SDK1: variants seen among roughly 807,000 people sequenced by gnomAD.
The protein encoded by SDK1 is sidekick cell adhesion molecule 1, also known as protein sidekick-1.
A neutral mutation model predicts 245.5 loss-of-function variants in SDK1; 157 were observed. The observed-to-expected ratio is 0.64, with a 90% confidence interval of 0.56 to 0.73. SDK1 has a LOEUF of 0.73. SDK1 is among the 30% of genes least tolerant of loss of function. The probability of loss-of-function intolerance (pLI) is 0.00; values close to 1 mark genes in which losing one functional copy is unlikely to be tolerated. For synonymous variants in SDK1, 1,647 were observed against 1,278.5 expected (o/e 1.29, Z -6.15); for missense variants, 3,583 against 3,002.3 (o/e 1.19, Z -4.52).
intron 35 of SDK1, among the ~76,000 whole-genome samples, chr7:4,205,176 A>G (rs1251212272): frequency 6.6e-6 from 1 of 152,188 alleles, no homozygotes; most frequent in East Asian, 1.9e-4. Context: ...CTCAGAGAGC[A>G]AAGTGCAGCC....
intron 44 of SDK1, among the ~76,000 whole-genome samples, chr7:4,257,359 C>G (rs1384605857): frequency 6.6e-6 from 1 of 152,184 alleles, no homozygotes; most frequent in East Asian, 1.9e-4. Context: ...AACCGACACA[C>G]GTTGCTACTT....
In SDK1 at chr7:3,733,186, A is replaced by G. The variant is rs893082468; in HGVS notation, c.714-88264A>G. ...CCCTGTGCAATGTCTTAAGTCTTTAAAGAATATTTTAATTTATTACCTTAT... is the reference window on the plus strand; with the variant it reads ...CCCTGTGCAATGTCTTAAGTCTTTAGAGAATATTTTAATTTATTACCTTAT... On this transcript the variant is annotated intron_variant, in intron 4 of 44. Transcript: ENST00000404826. Among the ~76,000 whole-genome samples the G allele has an allele frequency of 5.3e-5, 8 of 152,300 alleles. 1 individual carries two copies. The highest frequency in any genetic ancestry group is 4.6e-4 in the Admixed American group (7 of 15,296).
At chr7:3,333,954 C>T (rs1224677442) in intron 1 of SDK1, among the ~76,000 whole-genome samples, 1 of 152,182 alleles carries the variant, frequency 6.6e-6, no homozygotes, top group African/African-American at 2.4e-5. Context: ...TGCTCCACTG[C>T]TGGCCCCAGA....
At chr7:3,945,495 C>A (rs1780538505) in intron 5 of SDK1, among the ~76,000 whole-genome samples, 1 of 151,892 alleles carries the variant, frequency 6.6e-6, no homozygotes, top group Admixed American at 6.6e-5. Context: ...GTATTTCACC[C>A]ATGAAACAAG....
chr7:4,260,456 C>T (rs1787915378), intron 44 of SDK1, among the ~76,000 whole-genome samples: 1 of 133,778 alleles, frequency 7.5e-6, no homozygotes, highest in Admixed American at 7.5e-5. Flanking sequence ...CTGGCTGCTC[C>T]GGGGTCTCTG....
At chr7:3,613,274 C>T (rs1781663307) in intron 1 of SDK1, among the ~76,000 whole-genome samples, 1 of 152,122 alleles carries the variant, frequency 6.6e-6, no homozygotes, top group Non-Finnish European at 1.5e-5. Flanking sequence ...ATGATTTTTC[C>T]TCTGCAGATA....
In SDK1 at chr7:3,699,889, C is replaced by G. The variant is rs79081499; in HGVS notation, c.713+57784C>G. Among the ~76,000 whole-genome samples the G allele has an allele frequency of 1.9e-4, 29 of 152,188 alleles. No homozygotes were observed. In the East Asian group the frequency reaches 5.6e-3, roughly 29 times the overall value. ...ATCCCAAGATCAAAGAAATGCACAT[C>G]AAGAAACATAGTAGTTAAACTTCTA... On this transcript the variant is annotated intron_variant, in intron 4 of 44. Coordinates refer to ENST00000404826, the MANE Select transcript of SDK1 (RefSeq NM_152744.4).
Position 4,220,120 on chromosome 7 carries a change from G to C in SDK1, c.5551G>C (p.Val1851Leu). The change falls in exon 39 of 45, where the codon GTG becomes CTG. Residue 1851 changes from valine to leucine, a missense_variant. Coordinates refer to ENST00000404826, the MANE Select transcript of SDK1 (RefSeq NM_152744.4). ...PLAPVQGVSK[V>L]VTVEVRGNWQ... Reference sequence around the variant, plus strand: ...TCTGGCGGCTGCAGGGGTGAGCAAGGTGGTGACCGTGGAAGTGAGAGGGAA... The same window carrying C: ...TCTGGCGGCTGCAGGGGTGAGCAAGCTGGTGACCGTGGAAGTGAGAGGGAA... 33 of 1,613,972 alleles carry C rather than the reference G, an allele frequency of 2.0e-5. No homozygotes were observed. Among genetic ancestry groups the C allele is most frequent in the Non-Finnish European group, 2.8e-5 (33 of 1,179,926 alleles).
At chr7:3,405,645 C>T (rs971840244) in intron 1 of SDK1, among the ~76,000 whole-genome samples, 2 of 152,018 alleles carry the variant, frequency 1.3e-5, no homozygotes, top group Non-Finnish European at 2.9e-5. Context: ...GTAGTGTTAT[C>T]AGATATGGTT....
chr7:3,742,970 C>T (rs1779518023), intron 4 of SDK1, among the ~76,000 whole-genome samples: 1 of 152,106 alleles, frequency 6.6e-6, no homozygotes, highest in South Asian at 2.1e-4. Flanking sequence ...ATGAATGACC[C>T]TCATTAACAT....
At chr7:4,164,540 C>T (rs941800026) in intron 32 of SDK1, among the ~76,000 whole-genome samples, 3 of 152,236 alleles carry the variant, frequency 2.0e-5, no homozygotes, top group African/African-American at 7.2e-5. Flanking sequence ...AGAACATTGG[C>T]ACTTTGTACC....
intron 14 of SDK1, among the ~76,000 whole-genome samples, chr7:3,989,777 C>A (rs566107493): frequency 2.0e-5 from 3 of 152,206 alleles, no homozygotes; most frequent in African/African-American, 7.2e-5. Flanking sequence ...CACTTTATTT[C>A]TCCTAATTAC....
At chr7:3,894,754 A>G (rs1781556613) in intron 5 of SDK1, among the ~76,000 whole-genome samples, 1 of 143,038 alleles carries the variant, frequency 7.0e-6, no homozygotes, top group Non-Finnish European at 1.5e-5. Context: ...GTTGGAGTGC[A>G]GTGATGCAAT....
At position 4,025,611 on chromosome 7, in the gene SDK1, G is replaced by A. The variant is rs530893606; in HGVS notation, c.2602+8259G>A. Among the ~76,000 whole-genome samples the A allele has an allele frequency of 5.3e-5, 8 of 152,308 alleles. No homozygotes were observed. In the East Asian group the frequency reaches 1.5e-3, roughly 29 times the overall value. ...CTGCTAGCCTAGGAACCCTGTGAGG[G>A]CAGGGGCTGTGTCTGATTTGTCTTT... is the stretch of plus-strand genomic sequence containing the variant. On this transcript the variant is annotated intron_variant, in intron 17 of 44. Coordinates refer to ENST00000404826, the MANE Select transcript of SDK1 (RefSeq NM_152744.4).
Position 4,161,792 on chromosome 7 carries a change from G to T in SDK1, c.4736G>T (p.Gly1579Val), listed in dbSNP as rs1404109430. ...EAVTTLQDVP[G>V]EPPGSVSATP... ...CCTCTCCTGTGTGTTTCAGTTCCAGGAGAGCCCCCGGGATCTGTCTCAGCG... is the reference window on the plus strand; with the variant it reads ...CCTCTCCTGTGTGTTTCAGTTCCAGTAGAGCCCCCGGGATCTGTCTCAGCG... Residue 1579 changes from glycine (G) to valine (V), a missense_variant, in exon 32 of 45, where the codon GGA (glycine) becomes GTA (valine). By Grantham distance (109) the Gly-to-Val change is moderately radical. Coordinates refer to ENST00000404826, the MANE Select transcript of SDK1 (RefSeq NM_152744.4). 1.9e-6 allele frequency: 3 copies of T among 1,612,908 alleles called. No homozygotes were observed. The highest frequency in any genetic ancestry group is 1.1e-5 in the South Asian group (1 of 90,898).
At chr7:3,311,156 A>G (rs1293887986) in intron 1 of SDK1, among the ~76,000 whole-genome samples, 1 of 152,188 alleles carries the variant, frequency 6.6e-6, no homozygotes, top group Non-Finnish European at 1.5e-5. Flanking sequence ...TGGCTGGGAT[A>G]CAACCTGGAT....
At chr7:3,485,265 T>C (rs1313967150) in intron 1 of SDK1, among the ~76,000 whole-genome samples, 1 of 152,204 alleles carries the variant, frequency 6.6e-6, no homozygotes, top group Non-Finnish European at 1.5e-5. Context: ...ATATTGAGCA[T>C]TTTTTCCCTA....
intron 17 of SDK1, among the ~76,000 whole-genome samples, chr7:4,035,513 T>A (rs1165270817): frequency 1.3e-5 from 2 of 152,024 alleles, no homozygotes; most frequent in African/African-American, 4.8e-5. Context: ...TTGGTGGGAG[T>A]GGCATGGCAG....
intron 17 of SDK1, among the ~76,000 whole-genome samples, chr7:4,047,798 A>T (rs1238822867): frequency 6.6e-6 from 1 of 152,104 alleles, no homozygotes; most frequent in Non-Finnish European, 1.5e-5. Context: ...AAGCTGTCTT[A>T]TGGGCTCAGG....
Sources: allele counts gnomAD v4.1 joint callset (sites outside exome capture counted in the v4.1 genomes callset), GRCh38; gene constraint gnomAD v4.1.1; transcripts MANE v1.5; gene names NCBI Gene and HGNC (gene_info 2026-07-23, HGNC 2026-07-21).